ASB11: variants seen among roughly 807,000 people sequenced by gnomAD.
ASB11 encodes the protein ankyrin repeat and SOCS box containing 11, also known as ankyrin repeat and SOCS box protein 11.
In ASB11, 17 loss-of-function variants were observed where a neutral mutation model predicts 20.1. The observed-to-expected ratio is 0.85, with a 90% confidence interval of 0.58 to 1.27. ASB11 has a LOEUF of 1.27. ASB11 is among the 50% of genes most tolerant of loss of function. The pLI is 0.00. For missense variants in ASB11, 259 were observed against 256.9 expected, an observed-to-expected ratio of 1.01 and a Z score of -0.06; for synonymous variants, 107 against 105.6, an observed-to-expected ratio of 1.01 and a Z score of -0.08.
At chrX:15,309,923 G>C (rs112312321) in intron 1 of ASB11, among the ~76,000 whole-genome samples, 1 of 90,240 alleles carries the variant, frequency 1.1e-5, no homozygotes, top group Non-Finnish European at 2.1e-5. Context: ...AGCCGAGATC[G>C]CGCCACTGCA....
chrX:15,294,043 TAAATA>T (rs1238836859), intron 3 of ASB11, among the ~76,000 whole-genome samples: 1 of 109,924 alleles, frequency 9.1e-6, no homozygotes, highest in African/African-American at 3.3e-5. Flanking sequence ...AAAATAAAAA[TAAATA>T]AATAAAATTA....
Position 15,310,234 on chromosome X carries a change from G to C in ASB11, c.181+5191C>G, listed in dbSNP as rs776764799. 3.6e-5 allele frequency among the ~76,000 whole-genome samples: 4 copies of C among 111,228 alleles called. No individual in the cohort carries two copies. The East Asian group carries it at 1.1e-3, about 31-fold the overall frequency. ...TAATTGTGAGAAATTGAGGATAAAAGTTACTTGGCAGCTTGGGAGTTTTTC... is the reference window on the plus strand; with the variant it reads ...TAATTGTGAGAAATTGAGGATAAAACTTACTTGGCAGCTTGGGAGTTTTTC... On this transcript the variant is annotated intron_variant, in intron 1 of 6. Coordinates refer to ENST00000480796, the MANE Select transcript of ASB11 (RefSeq NM_080873.3).
At chrX:15,288,783 G>T (rs1475534710) in intron 5 of ASB11, among the ~76,000 whole-genome samples, 1 of 110,558 alleles carries the variant, frequency 9.0e-6, no homozygotes, top group Non-Finnish European at 1.9e-5. Flanking sequence ...TACTCCGGCG[G>T]CTAGGGCAGG....
intron 1 of ASB11, among the ~76,000 whole-genome samples, chrX:15,309,412 T>C (rs1921348976): frequency 9.1e-6 from 1 of 109,432 alleles, no homozygotes; most frequent in African/African-American, 3.3e-5. Flanking sequence ...TGGGACCATC[T>C]AGTTGCAGGA....
At chrX:15,311,994 G>A (rs977999244) in intron 1 of ASB11, among the ~76,000 whole-genome samples, 2 of 110,975 alleles carry the variant, frequency 1.8e-5, no homozygotes, top group Admixed American at 9.7e-5. Context: ...GCTGGCTGAA[G>A]GGTTATGAAT....
chrX:15,313,272 G>A (rs1248696150), intron 1 of ASB11, among the ~76,000 whole-genome samples: 4 of 110,699 alleles, frequency 3.6e-5, no homozygotes, highest in Non-Finnish European at 7.6e-5. Context: ...GGTGGCGTGC[G>A]CCTATAATCC....
chrX:15,314,351 C>G, intron 1 of ASB11: 1 of 994,283 alleles, frequency 1.0e-6, no homozygotes, highest in South Asian at 3.3e-5. Flanking sequence ...TTTTTTGTAA[C>G]TAGTCAAAGT....
chrX:15,286,981 A>G (rs1178897672), intron 6 of ASB11, among the ~76,000 whole-genome samples: 1 of 112,202 alleles, frequency 8.9e-6, no homozygotes, highest in Non-Finnish European at 1.9e-5. Context: ...CTGTATAGAC[A>G]TAAGAGGTTC....
chrX:15,282,698 G>A lies in ASB11; in HGVS notation c.*807C>T, dbSNP rs1411958046. 9.1e-6 allele frequency: 1 copy of A among 109,800 alleles called. No homozygotes were observed. The highest frequency in any genetic ancestry group is 9.9e-5 in the Admixed American group (1 of 10,081). The allele number at this position is 109,800 out of a possible 1,213,427, so 9.0% of individuals were successfully genotyped here. ...ATAAGCAATAGATGCCAACCTCTGG[G>A]TGCACTGATCTCTTCCAAAGTCTCT... On this transcript the variant is annotated 3_prime_UTR_variant, in exon 7 of 7. Transcript: ENST00000480796.
chrX:15,310,552 G>A (rs918986862), intron 1 of ASB11, among the ~76,000 whole-genome samples: 6 of 112,036 alleles, frequency 5.4e-5, no homozygotes, highest in East Asian at 2.8e-4. Context: ...TTCTAAAACC[G>A]TATATATTTC....
intron 1 of ASB11, among the ~76,000 whole-genome samples, chrX:15,312,306 T>C (rs1921452469): frequency 1.9e-5 from 2 of 106,907 alleles, no homozygotes; most frequent in Non-Finnish European, 3.8e-5. Context: ...CAGTCAACCA[T>C]GGCTTAATTC....
Position 15,283,649 on chromosome X carries a change from G to A in ASB11, c.848-20C>T. The A allele has an allele frequency of 1.7e-6, 2 of 1,207,050 alleles. No individual in the cohort carries two copies. The highest frequency in any genetic ancestry group is 2.2e-6 in the Non-Finnish European group (2 of 892,332). On this transcript the variant is annotated intron_variant, in intron 6 of 6. Transcript: ENST00000480796. ...GTGGGCCTGAGAGAGAAATAAAAAT[G>A]GTGTTAACTTCATAGTGGTGGGAGG...
intron 6 of ASB11, among the ~76,000 whole-genome samples, chrX:15,286,018 TA>T (rs1927376388): frequency 9.2e-6 from 1 of 108,964 alleles, no homozygotes; most frequent in Non-Finnish European, 1.9e-5. Context: ...ATAATAATAA[TA>T]ATAATAACAA....
chrX:15,302,596 G>T, intron 2 of ASB11, 132 bp downstream of exon 2: 1 of 562,782 alleles, frequency 1.8e-6, no homozygotes, highest in Non-Finnish European at 2.9e-6. Context: ...GGTATGAGAG[G>T]ACATACGTGC....
At chrX:15,310,369 C>G (rs1460938371) in intron 1 of ASB11, among the ~76,000 whole-genome samples, 7 of 111,979 alleles carry the variant, frequency 6.3e-5, no homozygotes, top group Non-Finnish European at 3.8e-5. Flanking sequence ...GGCAGATCGC[C>G]CGTGTCACAG....
intron 3 of ASB11, among the ~76,000 whole-genome samples, chrX:15,294,062 G>T: frequency 9.0e-6 from 1 of 110,772 alleles, no homozygotes; most frequent in Non-Finnish European, 1.9e-5. Context: ...AAAATTAAAA[G>T]ATTAAATTTA....
chrX:15,309,005 C>T (rs753953354), intron 1 of ASB11, among the ~76,000 whole-genome samples: 1 of 111,557 alleles, frequency 9.0e-6, no homozygotes, highest in African/African-American at 3.3e-5. Context: ...CAACCTCTGC[C>T]TCCCAGGTTC....
At chrX:15,288,145 T>C in intron 5 of ASB11, 73 bp from the exon 6 acceptor site, 2 of 1,023,120 alleles carry the variant, frequency 2.0e-6, no homozygotes, top group South Asian at 5.0e-5. Context: ...ATATAGTCAT[T>C]GCATATAAAG....
intron 1 of ASB11, 72 bp from the exon 2 acceptor site, chrX:15,302,879 A>C: frequency 1.0e-6 from 1 of 952,960 alleles, no homozygotes; most frequent in Non-Finnish European, 1.5e-6. Context: ...CTGCCCACCC[A>C]CTGTGAGAGG....
Sources: allele counts gnomAD v4.1 joint callset (sites outside exome capture counted in the v4.1 genomes callset), GRCh38; gene constraint gnomAD v4.1.1; transcripts MANE v1.5; gene names NCBI Gene and HGNC (gene_info 2026-07-23, HGNC 2026-07-21).